Variants in ADARB2 observed in about 807,000 individuals in gnomAD.
The protein encoded by ADARB2 is inactive double-stranded RNA-specific editase B2.
Under a neutral mutation model 62.2 loss-of-function variants are expected in ADARB2, and 25 were observed. The ratio of observed to expected loss-of-function variants is 0.40; its 90% CI spans 0.29 to 0.56. ADARB2 has a LOEUF of 0.56. ADARB2 is among the 20% of genes least tolerant of loss of function. The pLI, the probability that ADARB2 is intolerant of heterozygous loss-of-function variation, is 0.43. For synonymous variants in ADARB2, 572 were observed against 500.8 expected, an observed-to-expected ratio of 1.14 and a Z score of -1.90; for missense variants, 1,071 against 1,077.4, an observed-to-expected ratio of 0.99 and a Z score of 0.08.
At chr10:1,458,066 G>A (rs116621301) in intron 1 of ADARB2, among the ~76,000 whole-genome samples, 2,879 of 152,180 alleles carry the variant, frequency 0.019, 94 homozygotes, top group African/African-American at 0.065. Flanking sequence ...AAAAGTCGCA[G>A]GTGATGGACA....
intron 1 of ADARB2, among the ~76,000 whole-genome samples, chr10:1,674,840 A>T (rs1834440809): frequency 6.6e-6 from 1 of 151,604 alleles, no homozygotes; most frequent in East Asian, 1.9e-4. Context: ...TGCTGTCTGC[A>T]AGATTTCAGA....
chr10:1,329,929 C>CTTTTTTTT (rs370355543), intron 3 of ADARB2, among the ~76,000 whole-genome samples: 9 of 100,216 alleles, frequency 9.0e-5, no homozygotes, highest in Admixed American at 2.4e-4. Flanking sequence ...GAAGAAGTGC[C>CTTTTTTTT]TTTTTTTTTT....
At chr10:1,689,915 T>G (rs140122061) in intron 1 of ADARB2, among the ~76,000 whole-genome samples, 1 of 152,314 alleles carries the variant, frequency 6.6e-6, no homozygotes, top group African/African-American at 2.4e-5. Context: ...ATTTAAAAAA[T>G]CGTACAATTG....
chr10:1,381,448 G>A (rs2131861147), intron 1 of ADARB2, among the ~76,000 whole-genome samples: 1 of 152,346 alleles, frequency 6.6e-6, no homozygotes, highest in South Asian at 2.1e-4. Context: ...GGAAATGAGA[G>A]CCCTCCGGGA....
At chr10:1,201,395 A>G (rs189248570) in intron 7 of ADARB2, among the ~76,000 whole-genome samples, 131 of 152,366 alleles carry the variant, frequency 8.6e-4, no homozygotes, top group African/African-American at 2.9e-3. Context: ...CATTTACTTC[A>G]GTCTATCAGA....
At chr10:1,580,075 G>C (rs1216522115) in intron 1 of ADARB2, among the ~76,000 whole-genome samples, 1 of 152,200 alleles carries the variant, frequency 6.6e-6, no homozygotes. Flanking sequence ...CAGTGCCCCC[G>C]AATTGTCTAT....
chr10:1,479,875 G>A (rs185516398), intron 1 of ADARB2, among the ~76,000 whole-genome samples: 64 of 152,286 alleles, frequency 4.2e-4, no homozygotes, highest in African/African-American at 1.5e-3. Flanking sequence ...GAAGGACTCC[G>A]TGCTTAAGCC....
intron 1 of ADARB2, among the ~76,000 whole-genome samples, chr10:1,447,164 T>C (rs774806728): frequency 2.0e-5 from 3 of 152,224 alleles, no homozygotes; most frequent in Non-Finnish European, 2.9e-5. Flanking sequence ...AGTGGGATAC[T>C]ACCTACAGCA....
chr10:1,283,932 C>CAGTTCAGAGGTGGAAACATTT (rs1831390883), intron 3 of ADARB2, among the ~76,000 whole-genome samples: 1 of 152,132 alleles, frequency 6.6e-6, no homozygotes, highest in Non-Finnish European at 1.5e-5. Context: ...TAGCCTGAAG[C>CAGTTCAGAGGTGGAAACATTT]AGTTCAGAGG....
At chr10:1,703,876 G>T (rs531262728) in intron 1 of ADARB2, among the ~76,000 whole-genome samples, 1 of 152,100 alleles carries the variant, frequency 6.6e-6, no homozygotes, top group African/African-American at 2.4e-5. Context: ...TGTTAAATGC[G>T]GTCAACCACG....
intron 1 of ADARB2, among the ~76,000 whole-genome samples, chr10:1,411,920 A>C (rs1832763241): frequency 6.6e-6 from 1 of 152,242 alleles, no homozygotes. Context: ...TCTATACATA[A>C]AGACCTGAAA....
chr10:1,453,218 T>C (rs1187148570), intron 1 of ADARB2, among the ~76,000 whole-genome samples: 1 of 152,250 alleles, frequency 6.6e-6, no homozygotes, highest in East Asian at 1.9e-4. Context: ...AAGTAAATCA[T>C]GGGCTTTTCC....
intron 7 of ADARB2, among the ~76,000 whole-genome samples, chr10:1,202,514 G>A (rs1167833242): frequency 1.3e-5 from 2 of 152,138 alleles, no homozygotes; most frequent in East Asian, 3.9e-4. Context: ...TGAGGGATTT[G>A]GCTTCTTCCC....
chr10:1,602,756 C>G, intron 1 of ADARB2, among the ~76,000 whole-genome samples: 1 of 151,004 alleles, frequency 6.6e-6, no homozygotes, highest in African/African-American at 2.4e-5. Context: ...CACACACACA[C>G]CTGTACATAC....
chr10:1,393,834 T>C (rs2131867424), intron 1 of ADARB2, among the ~76,000 whole-genome samples: 1 of 152,342 alleles, frequency 6.6e-6, no homozygotes, highest in African/African-American at 2.4e-5. Flanking sequence ...CAAGAAAGTA[T>C]ATTTAAATTA....
chr10:1,218,211 C>G (rs1477443844), intron 6 of ADARB2, among the ~76,000 whole-genome samples: 1 of 152,060 alleles, frequency 6.6e-6, no homozygotes, highest in Non-Finnish European at 1.5e-5. Context: ...TCACCACACC[C>G]AGCTAATTTT....
chr10:1,637,854 C>G (rs1376905427), intron 1 of ADARB2, among the ~76,000 whole-genome samples: 1 of 152,178 alleles, frequency 6.6e-6, no homozygotes, highest in East Asian at 1.9e-4. Flanking sequence ...CTGCGATTTC[C>G]CTACAGACAC....
At chr10:1,522,703 C>T (rs1473920174) in intron 1 of ADARB2, among the ~76,000 whole-genome samples, 2 of 152,200 alleles carry the variant, frequency 1.3e-5, no homozygotes, top group Admixed American at 6.5e-5. Flanking sequence ...TCTTCCTTTG[C>T]CCGTTTATAC....
intron 1 of ADARB2, among the ~76,000 whole-genome samples, chr10:1,681,593 T>G (rs1023469970): frequency 5.9e-5 from 9 of 152,082 alleles, no homozygotes; most frequent in Admixed American, 5.2e-4. Context: ...AGGGTCATGG[T>G]TTTCCCACCT....
Sources: allele counts gnomAD v4.1 joint callset (sites outside exome capture counted in the v4.1 genomes callset), GRCh38; gene constraint gnomAD v4.1.1; transcripts MANE v1.5; gene names NCBI Gene and HGNC (gene_info 2026-07-23, HGNC 2026-07-21).